NKAIN3: variants seen among roughly 807,000 people sequenced by gnomAD.
NKAIN3 encodes the protein sodium/potassium transporting ATPase interacting 3.
NKAIN3 carries 25 observed loss-of-function variants against 30.2 expected under a neutral mutation model. That is an observed-to-expected ratio of 0.83 (90% CI 0.60 to 1.16). The LOEUF (loss-of-function observed/expected upper bound fraction) is 1.16, where lower values mean the gene tolerates loss of function less well. Ranked by LOEUF, NKAIN3 falls within the 50% of genes most tolerant of loss-of-function variation. NKAIN3 has a pLI of 0.00. For missense variants in NKAIN3, 225 were observed against 254.1 expected (o/e 0.89, Z 0.78); for synonymous variants, 91 against 89.6 (o/e 1.02, Z -0.09).
At chr8:62,864,176 C>G (rs1820348891) in intron 4 of NKAIN3, 2 of 639,362 alleles carry the variant, frequency 3.1e-6, no homozygotes, top group East Asian at 5.4e-5. Context: ...CTTGCTCAAC[C>G]GACCGGGAGG....
chr8:62,835,438 T>C (rs994831444), intron 4 of NKAIN3, among the ~76,000 whole-genome samples: 6 of 152,088 alleles, frequency 3.9e-5, no homozygotes, highest in African/African-American at 1.4e-4. Flanking sequence ...AAAGATCTAA[T>C]ATCCAGAATC....
chr8:62,918,697 C>T (rs1563627630), intron 5 of NKAIN3, among the ~76,000 whole-genome samples, 184 bp downstream of exon 5: 1 of 152,134 alleles, frequency 6.6e-6, no homozygotes. Context: ...GGTGACACTA[C>T]ATATAGAAAC....
At chr8:62,254,814 C>T (rs908979148) in intron 1 of NKAIN3, among the ~76,000 whole-genome samples, 1 of 152,076 alleles carries the variant, frequency 6.6e-6, no homozygotes, top group South Asian at 2.1e-4. Context: ...AATTAATTAA[C>T]AAATAATTTT....
chr8:62,818,156 G>A (rs1818742909), intron 4 of NKAIN3, among the ~76,000 whole-genome samples: 1 of 152,080 alleles, frequency 6.6e-6, no homozygotes, highest in Admixed American at 6.6e-5. Context: ...AAAACTGCAT[G>A]TGCTCCATAA....
chr8:62,989,235 C>T (rs573059745), downstream of NKAIN3, among the ~76,000 whole-genome samples: 22 of 152,308 alleles, frequency 1.4e-4, no homozygotes, highest in East Asian at 5.8e-4. Context: ...TCCACATTTT[C>T]GGGTACCTTT....
chr8:62,753,815 G>A (rs1049596380), intron 4 of NKAIN3, among the ~76,000 whole-genome samples: 3 of 151,962 alleles, frequency 2.0e-5, no homozygotes, highest in Non-Finnish European at 4.4e-5. Context: ...CCTGCATTAT[G>A]TTCATTTCAG....
At chr8:62,432,079 T>G (rs1294643838) in intron 1 of NKAIN3, among the ~76,000 whole-genome samples, 1 of 151,844 alleles carries the variant, frequency 6.6e-6, no homozygotes, top group African/African-American at 2.4e-5. Context: ...ATTTGATCAT[T>G]CCTTTTTATA....
intron 3 of NKAIN3, among the ~76,000 whole-genome samples, chr8:62,698,937 T>A (rs1814248086): frequency 6.6e-6 from 1 of 152,220 alleles, no homozygotes; most frequent in African/African-American, 2.4e-5. Flanking sequence ...TCGAATTTCA[T>A]ATTTTTCTAT....
At chr8:62,249,156 G>A in intron 1 of NKAIN3, 29 bp downstream of exon 1, 1 of 1,516,602 alleles carries the variant, frequency 6.6e-7, no homozygotes, top group African/African-American at 1.4e-5. Flanking sequence ...CCTGCCCCAG[G>A]ACAGGTCCCT....
intron 1 of NKAIN3, among the ~76,000 whole-genome samples, chr8:62,451,523 G>A (rs1168506092): frequency 6.6e-6 from 1 of 152,134 alleles, no homozygotes; most frequent in Non-Finnish European, 1.5e-5. Flanking sequence ...CACCACGTGA[G>A]CAATCTCTTT....
chr8:62,288,188 C>T (rs753590861), intron 1 of NKAIN3, among the ~76,000 whole-genome samples: 117 of 152,112 alleles, frequency 7.7e-4, no homozygotes, highest in African/African-American at 2.5e-3. Flanking sequence ...CTGTGGGCTT[C>T]GTGAGAACAG....
chr8:62,711,372 T>C (rs1814712152), intron 3 of NKAIN3, among the ~76,000 whole-genome samples: 1 of 152,166 alleles, frequency 6.6e-6, no homozygotes, highest in African/African-American at 2.4e-5. Context: ...GGAACACCGA[T>C]TATTCTTAGG....
intron 3 of NKAIN3, among the ~76,000 whole-genome samples, chr8:62,700,233 A>C (rs1469747304): frequency 6.6e-6 from 1 of 152,214 alleles, no homozygotes; most frequent in African/African-American, 2.4e-5. Flanking sequence ...AAATGTAAAG[A>C]GTAGGAAGAA....
intron 5 of NKAIN3, among the ~76,000 whole-genome samples, chr8:62,946,365 G>A (rs1385816160): frequency 6.6e-6 from 1 of 152,170 alleles, no homozygotes; most frequent in Non-Finnish European, 1.5e-5. Flanking sequence ...TGTGGCCTGT[G>A]TTTTGGCACA....
At chr8:62,285,599 A>T (rs1384158069) in intron 1 of NKAIN3, among the ~76,000 whole-genome samples, 1 of 152,060 alleles carries the variant, frequency 6.6e-6, no homozygotes. Flanking sequence ...TTTTCCTCAG[A>T]GTGACTCTCA....
At chr8:62,646,148 A>AAG (rs1812453722) in intron 3 of NKAIN3, among the ~76,000 whole-genome samples, 1 of 151,706 alleles carries the variant, frequency 6.6e-6, no homozygotes, top group African/African-American at 2.4e-5. Context: ...GAAAAAAAAA[A>AAG]AAAAAAACAG....
At chr8:62,319,166 G>A (rs546084696) in intron 1 of NKAIN3, among the ~76,000 whole-genome samples, 1 of 152,054 alleles carries the variant, frequency 6.6e-6, no homozygotes, top group African/African-American at 2.4e-5. Flanking sequence ...ATTTCTGTGG[G>A]ATCAGTGGTG....
At chr8:62,799,755 T>C (rs1427160141) in intron 4 of NKAIN3, among the ~76,000 whole-genome samples, 1 of 152,226 alleles carries the variant, frequency 6.6e-6, no homozygotes, top group Non-Finnish European at 1.5e-5. Context: ...TGCATGTTTA[T>C]AGCAACACAT....
chr8:62,542,330 T>C (rs1479133452), intron 1 of NKAIN3, among the ~76,000 whole-genome samples: 1 of 152,172 alleles, frequency 6.6e-6, no homozygotes, highest in Non-Finnish European at 1.5e-5. Context: ...GAAGGGACAG[T>C]CATTCTGCTG....
Sources: allele counts gnomAD v4.1 joint callset (sites outside exome capture counted in the v4.1 genomes callset), GRCh38; gene constraint gnomAD v4.1.1; transcripts MANE v1.5; gene names NCBI Gene and HGNC (gene_info 2026-07-23, HGNC 2026-07-21).